Variants in ZNF292 observed in about 807,000 individuals in gnomAD.
The protein encoded by ZNF292 is zinc finger protein 292.
A neutral mutation model predicts 217.9 loss-of-function variants in ZNF292; 26 were observed. The observed-to-expected ratio is 0.12, with a 90% confidence interval of 0.09 to 0.17. The LOEUF is 0.17. Among genes scored for constraint, ZNF292 ranks in the 10% least tolerant of loss-of-function variants. ZNF292 has a pLI of 1.00. For synonymous variants in ZNF292, 1,257 were observed against 1,124.1 expected (o/e 1.12, Z -2.37); for missense variants, 2,904 against 3,175.2 (o/e 0.91, Z 2.05).
At position 87,260,916 on chromosome 6, in the gene ZNF292, G is replaced by T. The variant is rs900253360; in HGVS notation, c.7287G>T (p.Arg2429=). ...QHRNLLIVFK[R]CCNSQVKETS... ...GAAATCTTCTTATTGTATTCAAACG[G>T]TGTTGCAACTCACAAGTAAAGGAAA... The change falls in exon 8 of 8, where the codon CGG becomes CGT. Residue 2429 remains arginine (R), a synonymous_variant. Transcript: ENST00000369577. The T allele has an allele frequency of 1.9e-6, 3 of 1,610,944 alleles. No homozygotes were observed. The highest frequency in any genetic ancestry group is 1.1e-5 in the South Asian group (1 of 90,600).
chr6:87,207,484 GTTTAAC>G (rs1003171458), intron 1 of ZNF292, among the ~76,000 whole-genome samples: 1 of 152,028 alleles, frequency 6.6e-6, no homozygotes, highest in East Asian at 1.9e-4. Flanking sequence ...TTTGTTAAGT[GTTTAAC>G]TTTATTGCGT....
intron 1 of ZNF292, among the ~76,000 whole-genome samples, chr6:87,164,336 G>A (rs757102371): frequency 2.0e-4 from 30 of 152,168 alleles, no homozygotes; most frequent in Non-Finnish European, 1.3e-4. Context: ...AAGAGAGTAA[G>A]TTCTTTTCCA....
chr6:87,255,359 A>G lies in ZNF292; in HGVS notation c.1730A>G (p.Asn577Ser), dbSNP rs1296045263. The change falls in exon 8 of 8, where the codon AAC becomes AGC. Residue 577 changes from asparagine to serine, a missense_variant. Asn to Ser is a conservative substitution (Grantham distance 46). This residue lies in a region of ZNF292 where 216 missense variants were observed against 308.3 expected (regional missense o/e 0.70). Transcript: ENST00000369577. ...GIYSCPICAK[N>S]FNSKETFVPH... ...TATAGTTGCCCCATATGTGCAAAGA[A>G]CTTTAATTCTAAAGAAACTTTTGTC... 1 of 1,613,646 alleles carries G rather than the reference A, an allele frequency of 6.2e-7. No individual in the cohort carries two copies. The highest frequency in any genetic ancestry group is 1.7e-5 in the Admixed American group (1 of 59,946).
chr6:87,246,759 G>A (rs1774609527), intron 7 of ZNF292, among the ~76,000 whole-genome samples: 1 of 152,162 alleles, frequency 6.6e-6, no homozygotes, highest in African/African-American at 2.4e-5. Flanking sequence ...TCCCTGCTGA[G>A]GTGGGAGGAT....
At chr6:87,163,141 G>A (rs1467881928) in intron 1 of ZNF292, among the ~76,000 whole-genome samples, 4 of 152,214 alleles carry the variant, frequency 2.6e-5, no homozygotes, top group Admixed American at 2.0e-4. Context: ...CAGCTAAGAA[G>A]ATTTGTTAAA....
At chr6:87,245,170 G>A (rs193145459) in intron 6 of ZNF292, among the ~76,000 whole-genome samples, 45 of 152,156 alleles carry the variant, frequency 3.0e-4, no homozygotes, top group African/African-American at 1.1e-3. Context: ...GAACCCGGGA[G>A]GCAAGGTTGC....
At chr6:87,244,062 CT>C (rs1265806317) in intron 6 of ZNF292, among the ~76,000 whole-genome samples, 1 of 149,420 alleles carries the variant, frequency 6.7e-6, no homozygotes. Flanking sequence ...ATTAGCTTAG[CT>C]AACACTGACA....
At position 87,203,738 on chromosome 6, in the gene ZNF292, G is replaced by C. The variant is rs191850726; in HGVS notation, c.169-12165G>C. ...GAGGTGACTGGGGTGGCTGTGTGTGGGGATTTAGGGCCCAGGTGAGATGAG... is the reference window on the plus strand; with the variant it reads ...GAGGTGACTGGGGTGGCTGTGTGTGCGGATTTAGGGCCCAGGTGAGATGAG... On this transcript the variant is annotated intron_variant, in intron 1 of 7. Coordinates refer to ENST00000369577, the MANE Select transcript of ZNF292 (RefSeq NM_015021.3). Among the ~76,000 whole-genome samples, 398 of 152,092 alleles carry C rather than the reference G, an allele frequency of 2.6e-3. 3 individuals are homozygous for C. Among genetic ancestry groups the C allele is most frequent in the East Asian group, 4.3e-3 (22 of 5,146 alleles).
At chr6:87,158,969 C>A (rs1156540080) in intron 1 of ZNF292, among the ~76,000 whole-genome samples, 1 of 152,176 alleles carries the variant, frequency 6.6e-6, no homozygotes, top group Non-Finnish European at 1.5e-5. Flanking sequence ...AATATTCTGT[C>A]AGTGTTGATG....
intron 7 of ZNF292, 94 bp from the exon 8 acceptor site, chr6:87,254,556 G>A: frequency 7.9e-7 from 1 of 1,259,304 alleles, no homozygotes; most frequent in African/African-American, 1.5e-5. Context: ...TGCAAGATTT[G>A]AGTAAAACAA....
chr6:87,180,582 T>TA (rs909991335), intron 1 of ZNF292, among the ~76,000 whole-genome samples: 38 of 152,328 alleles, frequency 2.5e-4, no homozygotes, highest in African/African-American at 9.1e-4. Context: ...CATGTCTACT[T>TA]ACACTCAGGA....
intron 4 of ZNF292, chr6:87,223,485 T>G (rs1355541857): frequency 6.6e-6 from 1 of 152,208 alleles, no homozygotes; most frequent in Non-Finnish European, 1.5e-5. Context: ...CCATGTTATA[T>G]TCTTTAGAAT....
At position 87,265,107 on chromosome 6, in the gene ZNF292, C is replaced by CT. The variant is rs995019194; in HGVS notation, c.*3315dup. On this transcript the variant is annotated 3_prime_UTR_variant, in exon 8 of 8. Coordinates refer to ENST00000369577, the MANE Select transcript of ZNF292 (RefSeq NM_015021.3). Reference sequence around the variant, plus strand: ...GCTGTAGTTCTCTCTCTCTCTCTCTCTTTTTTTTTCTTTGTTTTTTTTGGA... The same window carrying CT: ...GCTGTAGTTCTCTCTCTCTCTCTCTCTTTTTTTTTTCTTTGTTTTTTTTGGA... Among the ~76,000 whole-genome samples the CT allele has an allele frequency of 7.5e-5, 11 of 147,594 alleles. No homozygotes were observed. The highest frequency in any genetic ancestry group is 4.2e-4 in the South Asian group (2 of 4,718).
chr6:87,158,185 A>G (rs577383425), intron 1 of ZNF292, among the ~76,000 whole-genome samples: 2 of 152,380 alleles, frequency 1.3e-5, no homozygotes, highest in South Asian at 4.1e-4. Context: ...TTCAAAAATT[A>G]TAAAATATTT....
chr6:87,223,393 A>T (rs1382450614), intron 4 of ZNF292: 1 of 152,180 alleles, frequency 6.6e-6, no homozygotes, highest in Non-Finnish European at 1.5e-5. Context: ...CCGACTTATC[A>T]CTGTTGATGT....
intron 1 of ZNF292, among the ~76,000 whole-genome samples, chr6:87,178,914 G>A (rs1365674756): frequency 1.3e-5 from 2 of 152,086 alleles, no homozygotes; most frequent in African/African-American, 4.8e-5. Flanking sequence ...CCCTTGTGGA[G>A]GCTTAGTAAT....
chr6:87,163,687 A>T (rs1416119310), intron 1 of ZNF292, among the ~76,000 whole-genome samples: 1 of 152,172 alleles, frequency 6.6e-6, no homozygotes, highest in African/African-American at 2.4e-5. Flanking sequence ...TAAGAGAAGT[A>T]GAGCATCTTG....
At position 87,257,113 on chromosome 6, in the gene ZNF292, A is replaced by G; in HGVS notation, c.3484A>G (p.Asn1162Asp). 6.2e-7 allele frequency: 1 copy of G among 1,613,916 alleles called. No individual in the cohort carries two copies. Among genetic ancestry groups the G allele is most frequent in the Non-Finnish European group, 8.5e-7 (1 of 1,179,856 alleles). Residue 1162 changes from asparagine to aspartate, a missense_variant, in exon 8 of 8, where the codon AAC becomes GAC. Transcript: ENST00000369577. ...TGTTTATTTTTTGCCATCACCGGTG[A>G]ACAGCTCAAATCCATTTTTTACATC... ...KFVYFLPSPV[N>D]SSNPFFTSQT...
At position 87,260,637 on chromosome 6, in the gene ZNF292, G is replaced by GA. The variant is rs1562194636; in HGVS notation, c.7016dup (p.Asn2339LysfsTer2). ...TAAAAATGCCCAAGACCAAACGAAA[G>GA]AAAAAAAATAATTTAGAAAACAAGA... On this transcript the variant is annotated frameshift_variant, in exon 8 of 8. Transcript: ENST00000369577. LOFTEE classifies it high-confidence loss of function. 1.2e-6 allele frequency: 2 copies of GA among 1,611,298 alleles called. No individual in the cohort carries two copies. The highest frequency in any genetic ancestry group is 1.7e-5 in the Admixed American group (1 of 59,550).
Sources: allele counts gnomAD v4.1 joint callset (sites outside exome capture counted in the v4.1 genomes callset), GRCh38; gene constraint gnomAD v4.1.1; regional missense constraint gnomAD v4.1.1; transcripts MANE v1.5; gene names NCBI Gene and HGNC (gene_info 2026-07-23, HGNC 2026-07-21).